SPNS2: variants seen among roughly 807,000 people sequenced by gnomAD.
The protein encoded by SPNS2 is sphingosine-1-phosphate transporter SPNS2.
In SPNS2, 37 loss-of-function variants were observed where a neutral mutation model predicts 57.6. The ratio of observed to expected loss-of-function variants is 0.64; its 90% confidence interval spans 0.49 to 0.85. SPNS2 has a LOEUF of 0.85. SPNS2 is among the 40% of genes least tolerant of loss of function. The pLI, the probability that SPNS2 is intolerant of heterozygous loss-of-function variation, is 0.00. For synonymous variants in SPNS2, 440 were observed against 346.9 expected (o/e 1.27, Z -2.98); for missense variants, 831 against 779.1 (o/e 1.07, Z -0.79).
At chr17:4,526,619 A>T (rs1262476162) in intron 3 of SPNS2, among the ~76,000 whole-genome samples, 1 of 152,036 alleles carries the variant, frequency 6.6e-6, no homozygotes, top group Non-Finnish European at 1.5e-5. Flanking sequence ...AAAAAAAAGA[A>T]AAAGAAAGAA....
chr17:4,504,945 G>T (rs1181065812), intron 1 of SPNS2, among the ~76,000 whole-genome samples: 3 of 152,144 alleles, frequency 2.0e-5, no homozygotes, highest in African/African-American at 7.2e-5. Context: ...ACTCCAGTCT[G>T]CTGGTCCCTG....
chr17:4,532,416 G>A, intron 5 of SPNS2, 126 bp from the exon 6 acceptor site: 1 of 1,388,904 alleles, frequency 7.2e-7, no homozygotes, highest in South Asian at 1.2e-5. Flanking sequence ...AGGAAGGCTG[G>A]GCAGATACCT....
rs116292579 is a variant in SPNS2, at chr17:4,523,771, G to T, written c.437-1286G>T. Reference sequence around the variant, plus strand: ...AAATATAAAATCGTGGCATCCACTTGCTCTCACACACACCCTTCCAAGCTC... The same window carrying T: ...AAATATAAAATCGTGGCATCCACTTTCTCTCACACACACCCTTCCAAGCTC... On this transcript the variant is annotated intron_variant, in intron 2 of 12. Transcript: ENST00000329078. Among the ~76,000 whole-genome samples, 156 of 152,274 alleles carry T rather than the reference G, an allele frequency of 1.0e-3. 2 individuals carry two copies. The highest frequency in any genetic ancestry group is 3.6e-3 in the African/African-American group (150 of 41,552).
chr17:4,505,631 G>A (rs1597358300), intron 1 of SPNS2, among the ~76,000 whole-genome samples: 1 of 152,260 alleles, frequency 6.6e-6, no homozygotes, highest in African/African-American at 2.4e-5. Context: ...GGCTGGCCCA[G>A]GTCACACAGT....
chr17:4,536,911 T>G lies in SPNS2; in HGVS notation c.1619T>G (p.Leu540Arg), dbSNP rs755003527. The part of the protein sequence containing the change: ...RARAEQQVNQ[L>R]AMPPASVKV Reference sequence around the variant, plus strand: ...CGTCTCTCCCCCAGGGTGAACCAGCTGGCGATGCCGCCCGCATCTGTGAAA... The same window carrying G: ...CGTCTCTCCCCCAGGGTGAACCAGCGGGCGATGCCGCCCGCATCTGTGAAA... Residue 540 changes from leucine (L) to arginine (R), a missense_variant, in exon 12 of 13, where the codon CTG becomes CGG. Coordinates refer to ENST00000329078, the MANE Select transcript of SPNS2 (RefSeq NM_001124758.3). 1.9e-6 allele frequency: 3 copies of G among 1,613,230 alleles called. No homozygotes were observed. Among genetic ancestry groups the G allele is most frequent in the African/African-American group, 2.7e-5 (2 of 74,860 alleles).
chr17:4,538,909 T>TC lies in SPNS2; in HGVS notation c.*1463dup. On this transcript the variant is annotated 3_prime_UTR_variant, in exon 13 of 13. Coordinates refer to ENST00000329078, the MANE Select transcript of SPNS2 (RefSeq NM_001124758.3). Reference sequence around the variant, plus strand: ...ACAAGAACCAGGTCCGAGTGTTGCCTCCTCTTCCTTCCGGAAGCCAAACTG... The same window carrying TC: ...ACAAGAACCAGGTCCGAGTGTTGCCTCCCTCTTCCTTCCGGAAGCCAAACTG... 1 of 781,668 alleles carries TC rather than the reference T, an allele frequency of 1.3e-6. No individual in the cohort carries two copies. The highest frequency in any genetic ancestry group is 2.4e-6 in the Non-Finnish European group (1 of 418,646). 48.4% of individuals were successfully genotyped at this position (781,668 alleles called of 1,614,324 possible). A position where few individuals can be genotyped will look rare whatever the true frequency, so the allele number is the denominator to read the frequency against.
rs1904812200 is a variant in SPNS2, at chr17:4,510,863, G to A, written c.371-2384G>A. Reference sequence around the variant, plus strand: ...GCCCTGGAGGACACCAGCAAACCACGCAGAAGGCAGCGTGGCAGGAGAACG... The same window carrying A: ...GCCCTGGAGGACACCAGCAAACCACACAGAAGGCAGCGTGGCAGGAGAACG... On this transcript the variant is annotated intron_variant, in intron 1 of 12. Transcript: ENST00000329078. This position sits in a 1 kb window ranked among gnomAD's most constrained non-coding sequence, Gnocchi z 4.4. Among the ~76,000 whole-genome samples, 1 of 152,190 alleles carries A rather than the reference G, an allele frequency of 6.6e-6. No homozygotes were observed. The highest frequency in any genetic ancestry group is 2.1e-4 in the South Asian group (1 of 4,824).
rs549988587 is a variant in SPNS2 at position 4,537,680 on chromosome 17, G to C, written c.*232G>C. On this transcript the variant is annotated 3_prime_UTR_variant, in exon 13 of 13. Transcript: ENST00000329078. ...AGCCACACGGTTGGACAGGTTCCCA[G>C]CCCTAGGTTTGGGCCGCAGGGCCCC... 1 of 456,662 alleles carries C rather than the reference G, an allele frequency of 2.2e-6. No individual in the cohort carries two copies. Among genetic ancestry groups the C allele is most frequent in the Non-Finnish European group, 4.4e-6 (1 of 226,982 alleles). 28.3% of individuals were successfully genotyped at this position (456,662 alleles called of 1,614,324 possible).
At chr17:4,513,149 C>A in intron 1 of SPNS2, 98 bp from the exon 2 acceptor site, 2 of 1,363,896 alleles carry the variant, frequency 1.5e-6, no homozygotes, top group Non-Finnish European at 2.1e-6. Context: ...GCAGATATGG[C>A]CAGGCTGGGC....
chr17:4,515,869 G>T (rs1044970457), intron 2 of SPNS2, among the ~76,000 whole-genome samples: 1 of 152,232 alleles, frequency 6.6e-6, no homozygotes, highest in African/African-American at 2.4e-5. Flanking sequence ...TGCCCCTGCT[G>T]TTTCCCTCTT....
intron 12 of SPNS2, 140 bp downstream of exon 12, chr17:4,537,086 GT>G (rs1441872422): frequency 3.1e-6 from 3 of 957,548 alleles, no homozygotes; most frequent in Non-Finnish European, 4.8e-6. Context: ...CTCTGAAGAT[GT>G]TGCCAGAATT....
intron 2 of SPNS2, among the ~76,000 whole-genome samples, chr17:4,514,646 C>T (rs1904940878): frequency 6.6e-6 from 1 of 152,202 alleles, no homozygotes; most frequent in Non-Finnish European, 1.5e-5. Flanking sequence ...CCCTGGCAGA[C>T]ATCATGTTTT....
intron 1 of SPNS2, among the ~76,000 whole-genome samples, chr17:4,509,704 TGG>T (rs1904778940): frequency 6.6e-6 from 1 of 152,248 alleles, no homozygotes; most frequent in African/African-American, 2.4e-5. Context: ...TGAGACCTCC[TGG>T]GGCTTGGGAG....
chr17:4,530,572 A>AG, intron 3 of SPNS2, 60 bp from the exon 4 acceptor site: 1 of 1,565,576 alleles, frequency 6.4e-7, no homozygotes, highest in South Asian at 1.2e-5. Flanking sequence ...AGTGGGAACA[A>AG]GGGATGACAG....
intron 2 of SPNS2, among the ~76,000 whole-genome samples, chr17:4,513,600 G>T (rs1449009613): frequency 6.6e-6 from 1 of 152,200 alleles, no homozygotes; most frequent in Non-Finnish European, 1.5e-5. Context: ...TCTGGGTCCT[G>T]GGGCCTCATC....
At chr17:4,534,997 A>G (rs1905705163) in intron 9 of SPNS2, among the ~76,000 whole-genome samples, 1 of 152,128 alleles carries the variant, frequency 6.6e-6, no homozygotes, top group Admixed American at 6.5e-5. Context: ...CATCAGATTC[A>G]GGCCCTTTTC....
chr17:4,519,141 T>C (rs1949803833), intron 2 of SPNS2, among the ~76,000 whole-genome samples: 1 of 151,926 alleles, frequency 6.6e-6, no homozygotes, highest in African/African-American at 2.4e-5. Flanking sequence ...ATGTGGAGGA[T>C]GGTAGGTCTT....
intron 1 of SPNS2, among the ~76,000 whole-genome samples, chr17:4,501,697 T>C (rs910208049): frequency 1.2e-4 from 18 of 152,198 alleles, no homozygotes; most frequent in African/African-American, 3.6e-4. Flanking sequence ...ATTATCTCTA[T>C]GGTAACTACT....
At chr17:4,500,157 C>T (rs1904435622) in intron 1 of SPNS2, among the ~76,000 whole-genome samples, 1 of 152,198 alleles carries the variant, frequency 6.6e-6, no homozygotes, top group South Asian at 2.1e-4. Flanking sequence ...GGAGCCTCAT[C>T]CTCAGGGAGC....
Sources: gnomAD v4.1 joint callset for allele counts (sites outside exome capture counted in the v4.1 genomes callset) on GRCh38, gnomAD v4.1.1 for gene constraint, Gnocchi (gnomAD v3.1) non-coding constraint, MANE v1.5 for transcripts, NCBI Gene and HGNC (gene_info 2026-07-23, HGNC 2026-07-21) for gene names.